Variants in LHFPL3 observed in about 807,000 individuals in gnomAD.
The protein encoded by LHFPL3 is LHFPL tetraspan subfamily member 3, also known as LHFPL tetraspan subfamily member 3 protein.
A neutral mutation model predicts 19.3 loss-of-function variants in LHFPL3; 5 were observed. The ratio of observed to expected loss-of-function variants is 0.26; its 90% CI spans 0.14 to 0.54. The LOEUF (loss-of-function observed/expected upper bound fraction) is 0.54. LHFPL3 is among the 20% of genes least tolerant of loss of function. LHFPL3 has a pLI of 0.94. For missense variants in LHFPL3, 249 were observed against 307.4 expected, an observed-to-expected ratio of 0.81 and a Z score of 1.42; for synonymous variants, 133 against 126.2, an observed-to-expected ratio of 1.05 and a Z score of -0.36.
chr7:104,807,011 A>ATGTGTGTGTGTGTG (rs10665231), intron 2 of LHFPL3, among the ~76,000 whole-genome samples: 1,826 of 139,720 alleles, frequency 0.013, 22 homozygotes, highest in Admixed American at 0.03. Context: ...CAAAATATAT[A>ATGTGTGTGTGTGTG]TGTGTGTGTG....
intron 1 of LHFPL3, among the ~76,000 whole-genome samples, chr7:104,458,224 T>A (rs893938643): frequency 9.9e-5 from 15 of 152,192 alleles, no homozygotes; most frequent in African/African-American, 3.1e-4. Flanking sequence ...GCCTAGGTTT[T>A]CTTCTAGGGT....
chr7:104,703,613 T>A (rs1035297028), intron 1 of LHFPL3, among the ~76,000 whole-genome samples: 2 of 152,212 alleles, frequency 1.3e-5, no homozygotes, highest in African/African-American at 4.8e-5. Context: ...TCTTACTTTG[T>A]CTCTTTATTT....
At chr7:104,603,066 T>TTTTCTC (rs1791003088) in intron 1 of LHFPL3, among the ~76,000 whole-genome samples, 1 of 108,904 alleles carries the variant, frequency 9.2e-6, no homozygotes. Context: ...CTTTCTTTCT[T>TTTTCTC]TTTCTTTCTT....
chr7:104,637,942 T>C (rs1159658825), intron 1 of LHFPL3, among the ~76,000 whole-genome samples: 1 of 152,006 alleles, frequency 6.6e-6, no homozygotes, highest in Non-Finnish European at 1.5e-5. Flanking sequence ...CATTGGTAGT[T>C]TGATAGGAAT....
At chr7:104,737,007 G>T in intron 2 of LHFPL3, 96 bp downstream of exon 2, 1 of 925,354 alleles carries the variant, frequency 1.1e-6, no homozygotes, top group South Asian at 1.6e-5. Context: ...CTTCCCCTGA[G>T]GTTCTAATTT....
intron 1 of LHFPL3, among the ~76,000 whole-genome samples, chr7:104,512,888 C>T (rs539335608): frequency 1.1e-4 from 17 of 152,210 alleles, no homozygotes; most frequent in Admixed American, 9.8e-4. Context: ...TTTAAATTGG[C>T]GATGAGGCAG....
chr7:104,801,112 G>A (rs923259051), intron 2 of LHFPL3, among the ~76,000 whole-genome samples: 1 of 152,218 alleles, frequency 6.6e-6, no homozygotes, highest in Non-Finnish European at 1.5e-5. Context: ...GAGGTTCTAA[G>A]AACAGCCATA....
chr7:104,336,511 A>G (rs1789812704), intron 1 of LHFPL3, among the ~76,000 whole-genome samples: 1 of 152,144 alleles, frequency 6.6e-6, no homozygotes, highest in African/African-American at 2.4e-5. Flanking sequence ...CTTAAAAAAA[A>G]AAAAAGAAAA....
intron 2 of LHFPL3, among the ~76,000 whole-genome samples, chr7:104,889,451 C>T (rs1013696423): frequency 6.6e-6 from 1 of 152,132 alleles, no homozygotes; most frequent in East Asian, 1.9e-4. Context: ...ACCAGCCTGG[C>T]CAACAAGGTG....
At chr7:104,667,317 T>C (rs1373052023) in intron 1 of LHFPL3, among the ~76,000 whole-genome samples, 1 of 151,544 alleles carries the variant, frequency 6.6e-6, no homozygotes, top group Non-Finnish European at 1.5e-5. Context: ...TAAGAGCACA[T>C]AAACGTGTTT....
intron 2 of LHFPL3, among the ~76,000 whole-genome samples, chr7:104,836,216 G>A (rs1450101194): frequency 6.6e-6 from 1 of 152,210 alleles, no homozygotes; most frequent in African/African-American, 2.4e-5. Context: ...GGTTGGCAGA[G>A]AGTTGTGTAA....
chr7:104,846,934 T>C (rs537988511), intron 2 of LHFPL3, among the ~76,000 whole-genome samples: 11 of 152,360 alleles, frequency 7.2e-5, no homozygotes, highest in African/African-American at 2.4e-4. Flanking sequence ...TCAGCAATAT[T>C]CATTTTCCAC....
chr7:104,880,533 C>A (rs1792027927), intron 2 of LHFPL3, among the ~76,000 whole-genome samples: 1 of 152,150 alleles, frequency 6.6e-6, no homozygotes, highest in African/African-American at 2.4e-5. Flanking sequence ...TTCTGAAAAT[C>A]TTAGGGTCCT....
chr7:104,875,453 A>T (rs1439059777), intron 2 of LHFPL3, among the ~76,000 whole-genome samples: 1 of 151,876 alleles, frequency 6.6e-6, no homozygotes, highest in Non-Finnish European at 1.5e-5. Flanking sequence ...ATTAGTCTTG[A>T]CTCCAGGCAG....
chr7:104,559,541 A>G (rs1459553990), intron 1 of LHFPL3, among the ~76,000 whole-genome samples: 3 of 151,186 alleles, frequency 2.0e-5, no homozygotes, highest in Non-Finnish European at 3.0e-5. Context: ...GTATCCTGAG[A>G]CTTTGCTGAA....
chr7:104,329,318 G>A, intron 1 of LHFPL3, 94 bp downstream of exon 1: 1 of 1,450,272 alleles, frequency 6.9e-7, no homozygotes, highest in Non-Finnish European at 9.2e-7. Context: ...TGTGCGCGCC[G>A]CTGCGAGCCA....
At chr7:104,417,517 T>A (rs1791645715) in intron 1 of LHFPL3, among the ~76,000 whole-genome samples, 1 of 152,232 alleles carries the variant, frequency 6.6e-6, no homozygotes, top group African/African-American at 2.4e-5. Context: ...ATACTTTCCA[T>A]TTCTTCTGGT....
intron 1 of LHFPL3, among the ~76,000 whole-genome samples, chr7:104,676,217 C>A (rs1341598100): frequency 6.6e-6 from 1 of 152,170 alleles, no homozygotes; most frequent in Admixed American, 6.5e-5. Context: ...TTCTCCATTT[C>A]TAAGGACACT....
rs574957630 is a variant in LHFPL3, at chr7:104,669,193, G to A, written c.446-67482G>A. ...CCCTCCACCAAAGGAGAATGCTTGG[G>A]TGAAGCGAAGTTCTAACCCTCCTGC... On this transcript the variant is annotated intron_variant, in intron 1 of 2. Coordinates refer to ENST00000424859, the MANE Select transcript of LHFPL3 (RefSeq NM_199000.3). The A allele has an allele frequency of 6.3e-5, 102 of 1,613,904 alleles. No homozygotes were observed. In the African/African-American group the frequency reaches 1.1e-3, roughly 17 times the overall value.
Sources: gnomAD v4.1 joint callset for allele counts (sites outside exome capture counted in the v4.1 genomes callset) on GRCh38, gnomAD v4.1.1 for gene constraint, MANE v1.5 for transcripts, NCBI Gene and HGNC (gene_info 2026-07-23, HGNC 2026-07-21) for gene names.